The following LRMDA variants were observed in gnomAD, a reference collection of about 807,000 sequenced individuals.
LRMDA encodes leucine-rich melanocyte differentiation-associated protein.
In LRMDA, 18 loss-of-function variants were observed where a neutral mutation model predicts 29.8. The observed-to-expected ratio is 0.60, with a 90% confidence interval of 0.42 to 0.90. The LOEUF is 0.90. Among genes scored for constraint, LRMDA ranks in the 40% least tolerant of loss-of-function variants. The pLI, the probability that LRMDA is intolerant of heterozygous loss-of-function variation, is 0.00. For missense variants in LRMDA, 273 were observed against 273.9 expected (o/e 1.00, Z 0.02); for synonymous variants, 125 against 109.4 (o/e 1.14, Z -0.89).
intron 2 of LRMDA, among the ~76,000 whole-genome samples, chr10:75,562,919 C>T (rs1009622028): frequency 5.3e-5 from 8 of 152,226 alleles, no homozygotes; most frequent in East Asian, 1.9e-4. Context: ...TGATGGGCTT[C>T]CCTTTGAGGG....
intron 5 of LRMDA, among the ~76,000 whole-genome samples, chr10:76,286,558 G>T (rs73289054): frequency 0.045 from 6,832 of 152,216 alleles, 461 homozygotes; most frequent in African/African-American, 0.14. Flanking sequence ...GAGACCAGCT[G>T]ATGGGCTTCA....
In LRMDA at chr10:76,466,295, GACAA is replaced by G. The variant is rs557793323; in HGVS notation, c.602-90910_602-90907del. On this transcript the variant is annotated intron_variant, in intron 6 of 6. Transcript: ENST00000611255. Reference sequence around the variant, plus strand: ...CTGGTACTGGCAAGTATGAGGGGTAGACAAACAGACAGATGCCGGGAGCATGGGA... The same window carrying G: ...CTGGTACTGGCAAGTATGAGGGGTAGACAGACAGATGCCGGGAGCATGGGA... Among the ~76,000 whole-genome samples the G allele has an allele frequency of 2.2e-3, 336 of 152,248 alleles. 3 individuals carry two copies. Among genetic ancestry groups the G allele is most frequent in the Middle Eastern group, 0.01 (3 of 294 alleles).
chr10:75,695,573 C>T (rs1176878181), intron 2 of LRMDA, among the ~76,000 whole-genome samples: 1 of 152,090 alleles, frequency 6.6e-6, no homozygotes, highest in Non-Finnish European at 1.5e-5. Flanking sequence ...CCTCCCCCTC[C>T]CTTTAATAAT....
At chr10:76,188,608 A>C (rs1279442300) in intron 5 of LRMDA, among the ~76,000 whole-genome samples, 1 of 151,198 alleles carries the variant, frequency 6.6e-6, no homozygotes, top group Non-Finnish European at 1.5e-5. Flanking sequence ...ACACTTCCAA[A>C]GTGTACATAC....
At chr10:76,104,473 T>TCCTGTGTCCATCCAGG (rs1354850387) in intron 5 of LRMDA, among the ~76,000 whole-genome samples, 2 of 151,450 alleles carry the variant, frequency 1.3e-5, no homozygotes. Flanking sequence ...TCCAGGACTA[T>TCCTGTGTCCATCCAGG]AGCCTTTCAT....
chr10:76,547,448 C>G (rs1232226156), intron 6 of LRMDA, among the ~76,000 whole-genome samples: 1 of 152,118 alleles, frequency 6.6e-6, no homozygotes. Flanking sequence ...AATTGGTGAC[C>G]AAAAGCACAG....
At chr10:75,979,898 A>G (rs371542501) in intron 2 of LRMDA, among the ~76,000 whole-genome samples, 52 of 152,350 alleles carry the variant, frequency 3.4e-4, no homozygotes, top group African/African-American at 1.2e-3. Context: ...ATAGACTAAT[A>G]TGTAGCCCTC....
At chr10:75,531,219 A>G (rs371019855) in intron 2 of LRMDA, among the ~76,000 whole-genome samples, 7 of 152,218 alleles carry the variant, frequency 4.6e-5, no homozygotes, top group African/African-American at 1.7e-4. Context: ...GGTATAATAC[A>G]GCAGGACGAG....
intron 2 of LRMDA, among the ~76,000 whole-genome samples, chr10:75,918,483 A>G (rs1001323248): frequency 1.3e-5 from 2 of 152,096 alleles, no homozygotes; most frequent in Non-Finnish European, 2.9e-5. Context: ...ACCCTTTCAA[A>G]TAACCAGATC....
At chr10:75,576,999 C>G (rs1435301170) in intron 2 of LRMDA, among the ~76,000 whole-genome samples, 1 of 152,160 alleles carries the variant, frequency 6.6e-6, no homozygotes, top group African/African-American at 2.4e-5. Flanking sequence ...GATCACAACT[C>G]CTCTCCAGCA....
At chr10:75,813,452 A>G (rs1195802872) in intron 2 of LRMDA, among the ~76,000 whole-genome samples, 1 of 152,204 alleles carries the variant, frequency 6.6e-6, no homozygotes, top group Non-Finnish European at 1.5e-5. Context: ...TCCCCAGCTG[A>G]TTTCCATGCA....
At chr10:76,046,668 A>G (rs1848443719) in intron 3 of LRMDA, among the ~76,000 whole-genome samples, 1 of 152,102 alleles carries the variant, frequency 6.6e-6, no homozygotes, top group Non-Finnish European at 1.5e-5. Context: ...TATTTTTAGT[A>G]GAGACGGGTT....
chr10:76,111,790 A>G (rs928264206), intron 5 of LRMDA, among the ~76,000 whole-genome samples: 11 of 121,822 alleles, frequency 9.0e-5, no homozygotes, highest in Admixed American at 3.7e-4. Context: ...TTTAGAAATC[A>G]CCCCCGCCGA....
rs1416729449 is a variant in LRMDA, at chr10:76,428,902, T to C, written c.601+104417T>C. On this transcript the variant is annotated intron_variant, in intron 6 of 6. Transcript: ENST00000611255. ...TGAGGGTGAGGTAAAGAAGTTTTAC[T>C]CTGTTATCATGTTGACCAATTTGTA... Among the ~76,000 whole-genome samples the C allele has an allele frequency of 2.0e-5, 3 of 152,302 alleles. No individual in the cohort carries two copies. The East Asian group carries it at 5.8e-4, about 29-fold the overall frequency.
chr10:75,766,978 CT>C (rs1208969997), intron 2 of LRMDA, among the ~76,000 whole-genome samples: 1 of 152,086 alleles, frequency 6.6e-6, no homozygotes, highest in Non-Finnish European at 1.5e-5. Context: ...TTAATTCATC[CT>C]TTTTTATGGC....
chr10:75,628,197 A>C (rs1217268735), intron 2 of LRMDA, among the ~76,000 whole-genome samples: 1 of 152,236 alleles, frequency 6.6e-6, no homozygotes, highest in Non-Finnish European at 1.5e-5. Context: ...CTACACCTAC[A>C]ACTACTAATA....
At chr10:76,157,622 A>C (rs1472548345) in intron 5 of LRMDA, among the ~76,000 whole-genome samples, 1 of 150,904 alleles carries the variant, frequency 6.6e-6, no homozygotes, top group African/African-American at 2.4e-5. Flanking sequence ...TCTTAAAAAC[A>C]AAAAAAAAGA....
At chr10:75,619,582 G>T (rs1956218767) in intron 2 of LRMDA, among the ~76,000 whole-genome samples, 1 of 152,128 alleles carries the variant, frequency 6.6e-6, no homozygotes, top group South Asian at 2.1e-4. Flanking sequence ...AATACCCATG[G>T]TGTAGTGTTC....
intron 6 of LRMDA, among the ~76,000 whole-genome samples, chr10:76,481,973 G>A (rs974176392): frequency 6.6e-6 from 1 of 151,810 alleles, no homozygotes; most frequent in African/African-American, 2.4e-5. Context: ...ACTGTTAGAT[G>A]TTTCCACCTA....
Sources: allele counts gnomAD v4.1 joint callset (sites outside exome capture counted in the v4.1 genomes callset), GRCh38; gene constraint gnomAD v4.1.1; transcripts MANE v1.5; gene names NCBI Gene and HGNC (gene_info 2026-07-23, HGNC 2026-07-21).